The following PPP1R14C variants were observed in gnomAD, a reference collection of about 807,000 sequenced individuals.
PPP1R14C encodes protein phosphatase 1 regulatory subunit 14C.
A neutral mutation model predicts 20.4 loss-of-function variants in PPP1R14C; 16 were observed. That is an observed-to-expected ratio of 0.78 (90% confidence interval 0.53 to 1.19). The LOEUF (loss-of-function observed/expected upper bound fraction) is 1.19, where lower values mean the gene tolerates loss of function less well. Among genes scored for constraint, PPP1R14C ranks in the 50% most tolerant of loss-of-function variants. The pLI, the probability that PPP1R14C is intolerant of heterozygous loss-of-function variation, is 0.00. For missense variants in PPP1R14C, 211 were observed against 220.1 expected, an observed-to-expected ratio of 0.96 and a Z score of 0.26; for synonymous variants, 91 against 91.0, an observed-to-expected ratio of 1.00 and a Z score of 0.00.
intron 1 of PPP1R14C, among the ~76,000 whole-genome samples, chr6:150,204,613 G>T (rs191440789): frequency 6.6e-6 from 1 of 152,214 alleles, no homozygotes; most frequent in Non-Finnish European, 1.5e-5. Context: ...GATTGTGCCC[G>T]ATTTCTATCC....
chr6:150,247,185 A>G (rs1778502591), intron 3 of PPP1R14C, among the ~76,000 whole-genome samples: 1 of 152,158 alleles, frequency 6.6e-6, no homozygotes, highest in African/African-American at 2.4e-5. Flanking sequence ...TATAATTGAT[A>G]AGGGAGATTG....
chr6:150,220,159 CTGTT>C (rs1778149462), intron 3 of PPP1R14C, among the ~76,000 whole-genome samples: 1 of 152,196 alleles, frequency 6.6e-6, no homozygotes, highest in African/African-American at 2.4e-5. Flanking sequence ...CCGGCCAAGA[CTGTT>C]TGGCTATTGC....
At chr6:150,237,097 C>A (rs1387312824) in intron 3 of PPP1R14C, among the ~76,000 whole-genome samples, 4 of 151,456 alleles carry the variant, frequency 2.6e-5, no homozygotes, top group South Asian at 2.1e-4. Flanking sequence ...ACACAACATA[C>A]TTCTCCTCTG....
At position 150,248,910 on chromosome 6, in the gene PPP1R14C, T is replaced by C; in HGVS notation, c.*90T>C. Reference sequence around the variant, plus strand: ...GACTTTTGTGAAAGAATAGGTGTCCTTATGAACAACGTTTTTGTTTTTTTT... The same window carrying C: ...GACTTTTGTGAAAGAATAGGTGTCCCTATGAACAACGTTTTTGTTTTTTTT... On this transcript the variant is annotated 3_prime_UTR_variant, in exon 4 of 4. Coordinates refer to ENST00000361131, the MANE Select transcript of PPP1R14C (RefSeq NM_030949.3). 9.5e-6 allele frequency: 7 copies of C among 735,598 alleles called. No individual in the cohort carries two copies. Among genetic ancestry groups the C allele is most frequent in the Non-Finnish European group, 1.5e-5 (7 of 456,896 alleles). 45.6% of individuals were successfully genotyped at this position (735,598 alleles called of 1,614,324 possible).
At chr6:150,238,104 C>A (rs1778386294) in intron 3 of PPP1R14C, among the ~76,000 whole-genome samples, 2 of 152,292 alleles carry the variant, frequency 1.3e-5, no homozygotes, top group African/African-American at 4.8e-5. Context: ...AATGCTTCTG[C>A]TGAGAGGTAG....
At chr6:150,152,197 G>A (rs940149253) in intron 1 of PPP1R14C, among the ~76,000 whole-genome samples, 3 of 150,444 alleles carry the variant, frequency 2.0e-5, no homozygotes, top group Non-Finnish European at 4.4e-5. Flanking sequence ...TTTAATCCTC[G>A]CAGTAACTCT....
At chr6:150,206,538 TACAGTGTTGATTTGTGAG>T (rs1777953228) in intron 1 of PPP1R14C, among the ~76,000 whole-genome samples, 2 of 152,218 alleles carry the variant, frequency 1.3e-5, no homozygotes, top group South Asian at 4.1e-4. Context: ...GTATTTGTTT[TACAGTGTTGATTTGTGAG>T]ACAATGCCAC....
chr6:150,186,079 C>T (rs17079393), intron 1 of PPP1R14C, among the ~76,000 whole-genome samples: 2 of 152,056 alleles, frequency 1.3e-5, no homozygotes, highest in South Asian at 4.2e-4. Flanking sequence ...TTGATGCTCC[C>T]GTGACCAAGG....
At chr6:150,169,440 T>G (rs1399307280) in intron 1 of PPP1R14C, among the ~76,000 whole-genome samples, 1 of 152,212 alleles carries the variant, frequency 6.6e-6, no homozygotes, top group Non-Finnish European at 1.5e-5. Context: ...GTCTTTGAAC[T>G]GTTGAACAAA....
At chr6:150,150,808 G>A (rs938501626) in intron 1 of PPP1R14C, among the ~76,000 whole-genome samples, 2 of 151,926 alleles carry the variant, frequency 1.3e-5, no homozygotes, top group African/African-American at 4.8e-5. Context: ...CAACCTCTCT[G>A]GCCCATTCAT....
intron 1 of PPP1R14C, among the ~76,000 whole-genome samples, chr6:150,189,549 C>CT (rs5880869): frequency 0.6 from 89,091 of 148,328 alleles, 27,358 homozygotes; most frequent in African/African-American, 0.77. Context: ...AAACATTCTG[C>CT]TTTTTTTTTT....
chr6:150,196,127 A>G, intron 1 of PPP1R14C: 1 of 985,278 alleles, frequency 1.0e-6, no homozygotes, highest in Non-Finnish European at 1.2e-6. Context: ...TTCCAAAGGA[A>G]GTCATTGCAA....
intron 3 of PPP1R14C, among the ~76,000 whole-genome samples, chr6:150,217,357 G>A (rs574675410): frequency 3.3e-5 from 5 of 152,082 alleles, no homozygotes; most frequent in Admixed American, 1.3e-4. Flanking sequence ...CACCACGCCC[G>A]GCTAATTTTT....
At chr6:150,173,224 T>C (rs1777518067) in intron 1 of PPP1R14C, among the ~76,000 whole-genome samples, 1 of 152,144 alleles carries the variant, frequency 6.6e-6, no homozygotes. Flanking sequence ...GAATGCCCTG[T>C]CTCTTCTAGC....
chr6:150,168,511 C>T (rs144705098), intron 1 of PPP1R14C, among the ~76,000 whole-genome samples: 5,002 of 151,982 alleles, frequency 0.033, 159 homozygotes, highest in East Asian at 0.095. Flanking sequence ...CCAGCCTGGG[C>T]GAAAGAGCGA....
chr6:150,209,426 G>A (rs951409836), intron 1 of PPP1R14C, among the ~76,000 whole-genome samples: 4 of 151,846 alleles, frequency 2.6e-5, no homozygotes, highest in Non-Finnish European at 4.4e-5. Context: ...ATATCTGTGT[G>A]TTTATTTGTG....
In PPP1R14C at chr6:150,144,249, C is replaced by A. The variant is rs529273060; in HGVS notation, c.306+751C>A. Among the ~76,000 whole-genome samples the A allele has an allele frequency of 5.3e-5, 8 of 152,354 alleles. No individual in the cohort carries two copies. In the South Asian group the frequency reaches 1.4e-3, roughly 28 times the overall value. On this transcript the variant is annotated intron_variant, in intron 1 of 3. Coordinates refer to ENST00000361131, the MANE Select transcript of PPP1R14C (RefSeq NM_030949.3). ...GAGCCCTGCGGGGGGCCTGCGGGAT[C>A]CCGGGATCTGTCAGCTTCAGGCTCC...
chr6:150,236,312 G>A (rs1407844356), intron 3 of PPP1R14C, among the ~76,000 whole-genome samples: 1 of 150,744 alleles, frequency 6.6e-6, no homozygotes, highest in African/African-American at 2.5e-5. Context: ...CAGATACTCA[G>A]TACCCGCGAG....
At chr6:150,148,485 G>A (rs1028021925) in intron 1 of PPP1R14C, among the ~76,000 whole-genome samples, 2 of 152,242 alleles carry the variant, frequency 1.3e-5, no homozygotes, top group Non-Finnish European at 2.9e-5. Context: ...GTGAGTGCAT[G>A]TGGAGGACAC....
Sources: gnomAD v4.1 joint callset for allele counts (sites outside exome capture counted in the v4.1 genomes callset) on GRCh38, gnomAD v4.1.1 for gene constraint, MANE v1.5 for transcripts, NCBI Gene and HGNC (gene_info 2026-07-23, HGNC 2026-07-21) for gene names.